The following LRP1B variants were observed in gnomAD, a reference collection of about 807,000 sequenced individuals.
LRP1B encodes low-density lipoprotein receptor-related protein 1B.
LRP1B carries 217 observed loss-of-function variants against 556.6 expected under a neutral mutation model. The observed-to-expected ratio is 0.39, with a 90% confidence interval of 0.35 to 0.44. LRP1B has a LOEUF of 0.44. LRP1B is among the 20% of genes least tolerant of loss of function. The pLI is 1.00. For synonymous variants in LRP1B, 2,047 were observed against 1,865.8 expected, an observed-to-expected ratio of 1.10 and a Z score of -2.50; for missense variants, 5,053 against 5,620.8, an observed-to-expected ratio of 0.90 and a Z score of 3.23.
chr2:141,795,875 T>A lies in LRP1B; in HGVS notation c.205+14404A>T, dbSNP rs1238339375. Among the ~76,000 whole-genome samples the A allele has an allele frequency of 2.9e-5, 2 of 69,960 alleles. 1 individual carries two copies. The highest frequency in any genetic ancestry group is 1.0e-4 in the African/African-American group (2 of 19,310). 45.9% of individuals were successfully genotyped at this position (69,960 alleles called of 152,430 possible). A position where few individuals can be genotyped will look rare whatever the true frequency, so the allele number is the denominator to read the frequency against. On this transcript the variant is annotated intron_variant, in intron 2 of 90. Coordinates refer to ENST00000389484, the MANE Select transcript of LRP1B (RefSeq NM_018557.3). ...CAGGAGCAATATATATATATATATA[T>A]ATATATATATATATATATATATATA...
At chr2:140,887,096 A>C (rs1040975655) in intron 23 of LRP1B, among the ~76,000 whole-genome samples, 2 of 152,166 alleles carry the variant, frequency 1.3e-5, no homozygotes, top group African/African-American at 2.4e-5. Flanking sequence ...TATTGTTGTG[A>C]TCACTTAGAT....
chr2:142,018,607 A>G (rs978245618), intron 1 of LRP1B, among the ~76,000 whole-genome samples: 5 of 152,100 alleles, frequency 3.3e-5, no homozygotes, highest in African/African-American at 1.2e-4. Context: ...ATTTTATTTA[A>G]TTTTCATTGA....
At chr2:140,392,599 T>C (rs1257254791) in intron 66 of LRP1B, among the ~76,000 whole-genome samples, 1 of 151,700 alleles carries the variant, frequency 6.6e-6, no homozygotes, top group African/African-American at 2.4e-5. Flanking sequence ...GCAATTCTCT[T>C]GCCTCAGCCT....
At chr2:141,761,043 A>T (rs1054884038) in intron 2 of LRP1B, among the ~76,000 whole-genome samples, 2 of 152,146 alleles carry the variant, frequency 1.3e-5, no homozygotes, top group Admixed American at 6.5e-5. Context: ...AGACTGAGTG[A>T]TCCTGAAATC....
chr2:141,683,227 A>C (rs1344267138), intron 2 of LRP1B, among the ~76,000 whole-genome samples: 1 of 152,148 alleles, frequency 6.6e-6, no homozygotes, highest in Non-Finnish European at 1.5e-5. Context: ...AAAAAGGTGA[A>C]CAAATTTTGA....
chr2:141,919,686 A>G (rs547038524), intron 1 of LRP1B, among the ~76,000 whole-genome samples: 5 of 152,166 alleles, frequency 3.3e-5, no homozygotes, highest in African/African-American at 1.2e-4. Flanking sequence ...AATGCAGTAT[A>G]TTATGGCTAC....
intron 41 of LRP1B, among the ~76,000 whole-genome samples, chr2:140,698,467 A>T (rs1025485081): frequency 4.0e-5 from 6 of 151,386 alleles, no homozygotes; most frequent in African/African-American, 1.4e-4. Context: ...CTTCAAAAAT[A>T]ATAACAAGAA....
chr2:141,650,350 T>C (rs2105378063), intron 2 of LRP1B, among the ~76,000 whole-genome samples: 1 of 152,164 alleles, frequency 6.6e-6, no homozygotes, highest in East Asian at 1.9e-4. Context: ...GAGTGGAACA[T>C]GGAGTGGAGG....
chr2:141,118,126 T>A (rs1007272351), intron 7 of LRP1B, among the ~76,000 whole-genome samples: 3 of 151,710 alleles, frequency 2.0e-5, no homozygotes, highest in Non-Finnish European at 4.4e-5. Context: ...GATGGAATAT[T>A]TTAATGCATT....
At chr2:141,237,474 A>G (rs1683691823) in intron 5 of LRP1B, among the ~76,000 whole-genome samples, 1 of 151,582 alleles carries the variant, frequency 6.6e-6, no homozygotes. Context: ...CCAAAGTGCC[A>G]GGACTATAGG....
At chr2:141,690,802 C>G (rs1421756855) in intron 2 of LRP1B, among the ~76,000 whole-genome samples, 1 of 151,596 alleles carries the variant, frequency 6.6e-6, no homozygotes, top group Non-Finnish European at 1.5e-5. Context: ...CAGTTTGATT[C>G]TGAGCTAATT....
chr2:140,950,686 C>T (rs540234245), intron 19 of LRP1B, among the ~76,000 whole-genome samples: 31 of 152,122 alleles, frequency 2.0e-4, no homozygotes, highest in African/African-American at 4.8e-4. Flanking sequence ...GATGGGGTTT[C>T]GCCATGTGTT....
chr2:141,559,444 T>C (rs1311911150), intron 2 of LRP1B, among the ~76,000 whole-genome samples: 1 of 151,752 alleles, frequency 6.6e-6, no homozygotes, highest in Non-Finnish European at 1.5e-5. Context: ...GGTGTCACTT[T>C]ATATCAGATT....
At chr2:141,329,267 A>G (rs1244497261) in intron 3 of LRP1B, among the ~76,000 whole-genome samples, 1 of 151,266 alleles carries the variant, frequency 6.6e-6, no homozygotes, top group African/African-American at 2.4e-5. Context: ...AGGCTCCTGT[A>G]ATCTCAGCTA....
chr2:141,467,829 G>A (rs1438285515), intron 3 of LRP1B, among the ~76,000 whole-genome samples: 3 of 49,038 alleles, frequency 6.1e-5, no homozygotes, highest in Non-Finnish European at 1.6e-4. Flanking sequence ...TTGTTTGTTT[G>A]TTTGCGGACC....
At chr2:140,912,187 A>C (rs1307064718) in intron 21 of LRP1B, among the ~76,000 whole-genome samples, 1 of 151,750 alleles carries the variant, frequency 6.6e-6, no homozygotes, top group Non-Finnish European at 1.5e-5. Flanking sequence ...TGATAAGTTT[A>C]ATGAATGTCT....
rs941118499 is a variant in LRP1B, at chr2:140,233,003, A to G, written c.*183T>C. The G allele has an allele frequency of 9.3e-6, 4 of 430,478 alleles. No individual in the cohort carries two copies. Among genetic ancestry groups the G allele is most frequent in the African/African-American group, 8.2e-5 (4 of 48,732 alleles). The allele number at this position is 430,478 out of a possible 1,614,324, so 26.7% of individuals were successfully genotyped here. A position where few individuals can be genotyped will look rare whatever the true frequency, so the allele number is the denominator to read the frequency against. ...CAGTTCTTTTTCATAAAAATACCAT[A>G]CAAATGGTCAATCAATAGTCATCAG... On this transcript the variant is annotated 3_prime_UTR_variant, in exon 91 of 91. Coordinates refer to ENST00000389484, the MANE Select transcript of LRP1B (RefSeq NM_018557.3).
At chr2:141,796,824 T>G (rs1695828831) in intron 2 of LRP1B, among the ~76,000 whole-genome samples, 1 of 152,030 alleles carries the variant, frequency 6.6e-6, no homozygotes, top group East Asian at 1.9e-4. Flanking sequence ...GGAGGAATTT[T>G]TTTTTGTGTG....
intron 32 of LRP1B, among the ~76,000 whole-genome samples, chr2:140,790,949 T>A (rs1002365295): frequency 1.3e-5 from 2 of 151,068 alleles, no homozygotes; most frequent in African/African-American, 4.9e-5. Context: ...AATTTTTTTT[T>A]TTTTTTTTTT....
Sources: gnomAD v4.1 joint callset for allele counts (sites outside exome capture counted in the v4.1 genomes callset) on GRCh38, gnomAD v4.1.1 for gene constraint, MANE v1.5 for transcripts, NCBI Gene and HGNC (gene_info 2026-07-23, HGNC 2026-07-21) for gene names.